The following IL5RA variants were observed in gnomAD, a reference collection of about 807,000 sequenced individuals.
IL5RA encodes interleukin 5 receptor subunit alpha.
Under a neutral mutation model 50.0 loss-of-function variants are expected in IL5RA, and 49 were observed. The observed-to-expected ratio is 0.98, with a 90% CI of 0.78 to 1.24. The LOEUF is 1.24. Among genes scored for constraint, IL5RA ranks in the 50% most tolerant of loss-of-function variants. The probability of loss-of-function intolerance (pLI) is 0.00; values close to 1 mark genes in which losing one functional copy is unlikely to be tolerated. For synonymous variants in IL5RA, 202 were observed against 174.0 expected, an observed-to-expected ratio of 1.16 and a Z score of -1.26; for missense variants, 600 against 500.4, an observed-to-expected ratio of 1.20 and a Z score of -1.90.
Position 3,092,102 on chromosome 3 carries a change from A to AATTAGTCAC in IL5RA, c.994+113_994+121dup. 1.4e-6 allele frequency: 2 copies of AATTAGTCAC among 1,463,690 alleles called. No homozygotes were observed. Among genetic ancestry groups the AATTAGTCAC allele is most frequent in the Non-Finnish European group, 1.8e-6 (2 of 1,113,770 alleles). 90.7% of individuals were successfully genotyped at this position (1,463,690 alleles called of 1,614,324 possible). On this transcript the variant is annotated intron_variant, in intron 9 of 11. Coordinates refer to ENST00000446632, the MANE Select transcript of IL5RA (RefSeq NM_175726.4). This position sits in a 1 kb window ranked among gnomAD's most constrained non-coding sequence, Gnocchi z 4.2. ...TTGAAAAGGCAGTAGACCGAGAGAAAATTAGTCACAATAGAGATATGAAAC... is the reference window on the plus strand; with the variant it reads ...TTGAAAAGGCAGTAGACCGAGAGAAAATTAGTCACATTAGTCACAATAGAGATATGAAAC...
At position 3,095,418 on chromosome 3, in the gene IL5RA, T is replaced by G; in HGVS notation, c.736A>C (p.Thr246Pro). The G allele has an allele frequency of 3.1e-6, 5 of 1,612,042 alleles. No homozygotes were observed. Among genetic ancestry groups the G allele is most frequent in the Non-Finnish European group, 4.2e-6 (5 of 1,179,254 alleles). The change falls in exon 8 of 12, where the codon ACA becomes CCA. Residue 246 changes from threonine (T) to proline (P), a missense_variant. Coordinates refer to ENST00000446632, the MANE Select transcript of IL5RA (RefSeq NM_175726.4). ...IDQINPPLNV[T>P]AEIEGTRLSI... ...AGACGAGTTCCTTCAATCTCTGCTG[T>G]GACATTCAGTGGAGGATTTATTTGA...
At position 3,070,653 on chromosome 3, in the gene IL5RA, G is replaced by A. The variant is rs57649224; in HGVS notation, c.1177-342C>T. On this transcript the variant is annotated intron_variant, in intron 11 of 11. Coordinates refer to ENST00000446632, the MANE Select transcript of IL5RA (RefSeq NM_175726.4). The stretch of plus-strand genomic sequence containing the variant: ...GCTGGAGTACAGTGGCATGATGTCG[G>A]CTCACTGCAACCTCCACCTCCCAGG... Among the ~76,000 whole-genome samples, 809 of 142,562 alleles carry A rather than the reference G, an allele frequency of 5.7e-3. 7 individuals carry two copies. Among genetic ancestry groups the A allele is most frequent in the African/African-American group, 0.021 (781 of 37,356 alleles). The allele number at this position is 142,562 out of a possible 152,430, so 93.5% of individuals were successfully genotyped here.
chr3:3,075,488 T>C (rs1055292757), intron 10 of IL5RA, among the ~76,000 whole-genome samples: 2 of 150,782 alleles, frequency 1.3e-5, no homozygotes, highest in Non-Finnish European at 3.0e-5. Flanking sequence ...CAGGCATGAG[T>C]CACCATCCCC....
intron 4 of IL5RA, 67 bp downstream of exon 4, chr3:3,102,608 A>C (rs974385902): frequency 3.5e-6 from 4 of 1,128,748 alleles, no homozygotes; most frequent in Non-Finnish European, 5.0e-6. Flanking sequence ...ATTTTATTTG[A>C]TAAAGAAAAT....
At chr3:3,082,380 G>A (rs766396106) in intron 9 of IL5RA, among the ~76,000 whole-genome samples, 2 of 152,186 alleles carry the variant, frequency 1.3e-5, no homozygotes, top group South Asian at 2.1e-4. Flanking sequence ...AAATCAATGG[G>A]CACTGCCATT....
chr3:3,107,666 A>G (rs1703992079), intron 2 of IL5RA, among the ~76,000 whole-genome samples: 1 of 152,224 alleles, frequency 6.6e-6, no homozygotes, highest in Non-Finnish European at 1.5e-5. Context: ...TCAATCTTTA[A>G]GAGAAATCAT....
At position 3,104,946 on chromosome 3, in the gene IL5RA, C is replaced by T; in HGVS notation, c.39G>A (p.Gly13=). ...IVAHVLLILL[G]ATEILQADLL... is the part of the protein sequence containing the mutation. ...AGTCAGCTTGCAGTATCTCAGTGGC[C>T]CCCAAAAGGATGAGTAATACATGCG... Residue 13 remains glycine, a synonymous_variant, in exon 3 of 12, where the codon GGG becomes GGA. Transcript: ENST00000446632. 1 of 1,612,902 alleles carries T rather than the reference C, an allele frequency of 6.2e-7. No homozygotes were observed.
intron 9 of IL5RA, chr3:3,091,948 T>C (rs1703130044): frequency 8.7e-7 from 1 of 1,153,474 alleles, no homozygotes; most frequent in Non-Finnish European, 1.1e-6. Context: ...AAAAGTTTAA[T>C]TTAAAAAATG....
In IL5RA at chr3:3,071,552, AGTGTGT is replaced by A. The variant is rs55736610; in HGVS notation, c.1177-1247_1177-1242del. On this transcript the variant is annotated intron_variant, in intron 11 of 11. Coordinates refer to ENST00000446632, the MANE Select transcript of IL5RA (RefSeq NM_175726.4). ...CTAAAGGCCAACTTTCTTCCTTCAC[AGTGTGT>A]GTGTGTGTGTGTGTGTGTGTGTGTG... 6.8e-3 allele frequency among the ~76,000 whole-genome samples: 924 copies of A among 136,042 alleles called. 4 individuals carry two copies. The highest frequency in any genetic ancestry group is 0.014 in the African/African-American group (486 of 35,702). The allele number at this position is 136,042 out of a possible 152,430, so 89.2% of individuals were successfully genotyped here.
intron 9 of IL5RA, among the ~76,000 whole-genome samples, chr3:3,080,794 A>G (rs1373787216): frequency 6.6e-6 from 1 of 152,186 alleles, no homozygotes; most frequent in East Asian, 1.9e-4. Context: ...TCCTGGGTTC[A>G]AGCAATCCTC....
chr3:3,092,185 AGG>A lies in IL5RA; in HGVS notation c.994+37_994+38del. ...TCTGGGATTACCTTTTTTGATCACA[AGG>A]AAGGCTGCCAATGTAAAATAAACAT... On this transcript the variant is annotated intron_variant, in intron 9 of 11. Coordinates refer to ENST00000446632, the MANE Select transcript of IL5RA (RefSeq NM_175726.4). The surrounding 1 kb of genome is among the most constrained non-coding windows in gnomAD (Gnocchi z 4.2). 6.2e-7 allele frequency: 1 copy of A among 1,601,648 alleles called. No individual in the cohort carries two copies. Among genetic ancestry groups the A allele is most frequent in the South Asian group, 1.1e-5 (1 of 88,904 alleles).
Position 3,067,257 on chromosome 3 carries a change from G to A in IL5RA, c.*2968C>T, listed in dbSNP as rs1559855712. The A allele has an allele frequency of 3.9e-5, 6 of 152,182 alleles. No homozygotes were observed. The South Asian group carries it at 1.2e-3, about 32-fold the overall frequency. 9.4% of individuals were successfully genotyped at this position (152,182 alleles called of 1,614,324 possible). A position where few individuals can be genotyped will look rare whatever the true frequency, so the allele number is the denominator to read the frequency against. On this transcript the variant is annotated 3_prime_UTR_variant, in exon 12 of 12. Coordinates refer to ENST00000446632, the MANE Select transcript of IL5RA (RefSeq NM_175726.4). ...TGTTAGGCACATGTGTCTCCTGGTT[G>A]CTTCTAACTAACCGCATTCTCATTA...
intron 2 of IL5RA, 29 bp from the exon 3 acceptor site, chr3:3,105,016 C>G (rs199951392): frequency 7.1e-7 from 1 of 1,412,102 alleles, no homozygotes; most frequent in East Asian, 2.3e-5. Context: ...ATACCAAAAT[C>G]ATCTTGTTGC....
intron 9 of IL5RA, among the ~76,000 whole-genome samples, chr3:3,081,362 G>A (rs550113022): frequency 3.3e-5 from 5 of 152,242 alleles, no homozygotes; most frequent in South Asian, 2.1e-4. Flanking sequence ...TTCCATGCTC[G>A]TAACCATTAT....
intron 9 of IL5RA, chr3:3,090,310 A>C: frequency 7.8e-7 from 1 of 1,283,800 alleles, no homozygotes; most frequent in African/African-American, 1.5e-5. Context: ...ATCCTTGTAA[A>C]GGCTGAATGT....
At chr3:3,105,258 G>C (rs1411204299) in intron 2 of IL5RA, among the ~76,000 whole-genome samples, 3 of 152,138 alleles carry the variant, frequency 2.0e-5, no homozygotes, top group Non-Finnish European at 4.4e-5. Context: ...GGTACAATAG[G>C]AGCAGAGACT....
chr3:3,072,211 C>T (rs934650823), intron 11 of IL5RA, among the ~76,000 whole-genome samples: 3 of 152,208 alleles, frequency 2.0e-5, no homozygotes, highest in African/African-American at 7.2e-5. Flanking sequence ...CTCTCATCCC[C>T]TCTCAGGTGG....
intron 5 of IL5RA, among the ~76,000 whole-genome samples, chr3:3,098,912 T>G (rs1186402607): frequency 6.6e-6 from 1 of 152,192 alleles, no homozygotes; most frequent in Non-Finnish European, 1.5e-5. Context: ...TCCGGCAACT[T>G]TGGTGCTCTA....
chr3:3,074,672 T>G lies in IL5RA; in HGVS notation c.1176+110A>C. The G allele has an allele frequency of 1.3e-5, 8 of 621,398 alleles. No homozygotes were observed. In the South Asian group the frequency reaches 1.5e-4, roughly 11 times the overall value. 38.5% of individuals were successfully genotyped at this position (621,398 alleles called of 1,614,324 possible). ...GAAGCAACAGAAATGCTCCTGGCCT[T>G]CTGAGTAAAAACCCTGCCTTATAAT... On this transcript the variant is annotated intron_variant, in intron 11 of 11. Transcript: ENST00000446632.
Sources: allele counts gnomAD v4.1 joint callset (sites outside exome capture counted in the v4.1 genomes callset), GRCh38; gene constraint gnomAD v4.1.1; non-coding constraint Gnocchi (gnomAD v3.1); transcripts MANE v1.5; gene names NCBI Gene and HGNC (gene_info 2026-07-23, HGNC 2026-07-21).